The following DNAH14 variants were observed in gnomAD, a reference collection of about 807,000 sequenced individuals.
DNAH14 encodes the protein axonemal beta dynein heavy chain 14.
DNAH14 carries 478 observed loss-of-function variants against 520.9 expected under a neutral mutation model. The ratio of observed to expected loss-of-function variants is 0.92; its 90% CI spans 0.85 to 0.99. DNAH14 has a LOEUF of 0.99. Ranked by LOEUF, DNAH14 falls within the 50% of genes least tolerant of loss-of-function variation. The pLI is 0.00. For missense variants in DNAH14, 4,831 were observed against 5,234.5 expected (o/e 0.92, Z 2.38); for synonymous variants, 1,581 against 1,757.2 (o/e 0.90, Z 2.51).
intron 54 of DNAH14, among the ~76,000 whole-genome samples, chr1:225,287,660 G>A (rs2093777935): frequency 1.3e-5 from 2 of 152,120 alleles, no homozygotes; most frequent in Admixed American, 1.3e-4. Context: ...ATCTCCAGTA[G>A]CAATGAGTAC....
intron 66 of DNAH14, among the ~76,000 whole-genome samples, chr1:225,335,062 A>G: frequency 6.7e-6 from 1 of 149,174 alleles, no homozygotes; most frequent in Non-Finnish European, 1.5e-5. Context: ...ATGTACATAT[A>G]TGTATATATA....
chr1:225,174,877 T>A (rs1378077841), intron 36 of DNAH14, among the ~76,000 whole-genome samples: 1 of 152,208 alleles, frequency 6.6e-6, no homozygotes, highest in East Asian at 1.9e-4. Flanking sequence ...AGGTTTTTTT[T>A]ATTATAAAGG....
At chr1:225,169,057 C>CGT (rs2082330482) in intron 36 of DNAH14, among the ~76,000 whole-genome samples, 1 of 152,168 alleles carries the variant, frequency 6.6e-6, no homozygotes, top group Admixed American at 6.5e-5. Context: ...AATGGACCTC[C>CGT]AGCAAAATCC....
At chr1:225,051,979 T>A (rs2068582354) in intron 17 of DNAH14, among the ~76,000 whole-genome samples, 184 bp downstream of exon 17, 1 of 152,214 alleles carries the variant, frequency 6.6e-6, no homozygotes, top group South Asian at 2.1e-4. Context: ...TTTGTTTGTA[T>A]CTTTGATAAA....
intron 35 of DNAH14, among the ~76,000 whole-genome samples, chr1:225,163,486 C>T (rs955800160): frequency 6.6e-6 from 1 of 151,856 alleles, no homozygotes; most frequent in African/African-American, 2.4e-5. Flanking sequence ...GTGATACTAG[C>T]TGTGGGTCTG....
At chr1:225,340,984 A>G (rs2095166617) in intron 69 of DNAH14, among the ~76,000 whole-genome samples, 1 of 152,186 alleles carries the variant, frequency 6.6e-6, no homozygotes, top group African/African-American at 2.4e-5. Context: ...AGTTCCCTCC[A>G]AGGCTCTATG....
rs146929708 is a variant in DNAH14, at chr1:225,390,282, C to G, written c.13330+409C>G. Among the ~76,000 whole-genome samples, 8 of 152,310 alleles carry G rather than the reference C, an allele frequency of 5.3e-5. No individual in the cohort carries two copies. In the East Asian group the frequency reaches 1.5e-3, roughly 29 times the overall value. On this transcript the variant is annotated intron_variant, in intron 83 of 85. Coordinates refer to ENST00000682510, the MANE Select transcript of DNAH14 (RefSeq NM_001367479.1). ...TTATTTCTGTAACAAGACTTGATGA[C>G]TGAATGCTGGAACCTAGGCCTTACC...
chr1:225,029,809 A>G (rs1247936692), intron 11 of DNAH14, among the ~76,000 whole-genome samples: 1 of 151,984 alleles, frequency 6.6e-6, no homozygotes, highest in Admixed American at 6.6e-5. Context: ...GTGTGACAAC[A>G]GTAAAGTGAT....
intron 10 of DNAH14, among the ~76,000 whole-genome samples, chr1:225,016,500 T>G (rs1354862562): frequency 1.3e-5 from 2 of 152,220 alleles, no homozygotes; most frequent in Non-Finnish European, 2.9e-5. Context: ...ACTTTGTCAA[T>G]TTGACTATAA....
Position 225,147,226 on chromosome 1 carries a change from T to G in DNAH14, c.4917T>G (p.Ala1639=), listed in dbSNP as rs1041649278. 6.5e-7 allele frequency: 1 copy of G among 1,546,744 alleles called. No homozygotes were observed. Among genetic ancestry groups the G allele is most frequent in the African/African-American group, 1.4e-5 (1 of 72,804 alleles). The change falls in exon 31 of 86, where the codon GCT becomes GCG. Residue 1639 remains alanine (A), a synonymous_variant. Transcript: ENST00000682510. ...VIASQILTIK[A]AKDNYSARFV... is the part of the protein sequence containing the mutation. ...CCTCACAGATCCTAACAATTAAGGC[T>G]GCAAAAGACAACTATTCTGCCAGGT...
At chr1:225,164,479 A>G (rs911348453) in intron 35 of DNAH14, among the ~76,000 whole-genome samples, 1 of 152,016 alleles carries the variant, frequency 6.6e-6, no homozygotes, top group Non-Finnish European at 1.5e-5. Context: ...TCCTGTATTT[A>G]CTGATTTTTA....
chr1:225,389,355 G>T (rs572843926), intron 82 of DNAH14, among the ~76,000 whole-genome samples: 5 of 152,338 alleles, frequency 3.3e-5, no homozygotes, highest in South Asian at 2.1e-4. Context: ...GTCTGTGCCA[G>T]GCTGCTTCCT....
intron 17 of DNAH14, among the ~76,000 whole-genome samples, chr1:225,064,029 A>G (rs2070539751): frequency 6.6e-6 from 1 of 152,086 alleles, no homozygotes; most frequent in African/African-American, 2.4e-5. Flanking sequence ...GATTTTGTGT[A>G]TCTAACAAAG....
chr1:225,218,578 A>G (rs772981629), intron 41 of DNAH14, among the ~76,000 whole-genome samples: 1 of 152,204 alleles, frequency 6.6e-6, no homozygotes, highest in Non-Finnish European at 1.5e-5. Context: ...GCATTACATA[A>G]TGGTAAAGGG....
chr1:225,293,343 A>C (rs1292820019), intron 55 of DNAH14, among the ~76,000 whole-genome samples: 2 of 152,166 alleles, frequency 1.3e-5, no homozygotes, highest in African/African-American at 2.4e-5. Flanking sequence ...GAGGAATATA[A>C]ATCATCCTAT....
chr1:225,066,132 A>G (rs986176694), intron 17 of DNAH14, among the ~76,000 whole-genome samples: 3 of 151,920 alleles, frequency 2.0e-5, no homozygotes, highest in African/African-American at 4.8e-5. Context: ...TTTTTTTCAT[A>G]TATCTGTTGG....
At chr1:225,395,347 A>G (rs952595691) in intron 84 of DNAH14, among the ~76,000 whole-genome samples, 3 of 152,190 alleles carry the variant, frequency 2.0e-5, no homozygotes, top group African/African-American at 7.2e-5. Context: ...TAATCCCAGC[A>G]CTTTGTGAGG....
intron 8 of DNAH14, among the ~76,000 whole-genome samples, chr1:224,992,038 A>T (rs1018011092): frequency 2.0e-5 from 3 of 152,184 alleles, no homozygotes; most frequent in Non-Finnish European, 2.9e-5. Context: ...GTCAAAAATC[A>T]GTTTGTACAC....
At chr1:224,974,538 G>A (rs1370597521) in intron 8 of DNAH14, among the ~76,000 whole-genome samples, 2 of 152,164 alleles carry the variant, frequency 1.3e-5, no homozygotes, top group Non-Finnish European at 2.9e-5. Flanking sequence ...CGTGGATTGA[G>A]ATGCAGTTAT....
Sources: allele counts gnomAD v4.1 joint callset (sites outside exome capture counted in the v4.1 genomes callset), GRCh38; gene constraint gnomAD v4.1.1; transcripts MANE v1.5; gene names NCBI Gene and HGNC (gene_info 2026-07-23, HGNC 2026-07-21).